The following FTO variants were observed in gnomAD, a reference collection of about 807,000 sequenced individuals.
FTO encodes the protein FTO alpha-ketoglutarate dependent dioxygenase.
FTO carries 47 observed loss-of-function variants against 63.9 expected under a neutral mutation model. The observed-to-expected ratio is 0.74, with a 90% CI of 0.58 to 0.94. The LOEUF is 0.94. FTO is among the 40% of genes least tolerant of loss of function. The pLI, the probability that FTO is intolerant of heterozygous loss-of-function variation, is 0.00. For missense variants in FTO, 562 were observed against 618.1 expected (o/e 0.91, Z 0.96); for synonymous variants, 207 against 224.4 (o/e 0.92, Z 0.69).
chr16:53,834,550 G>A (rs2079237256), intron 3 of FTO, among the ~76,000 whole-genome samples: 1 of 152,128 alleles, frequency 6.6e-6, no homozygotes, highest in Non-Finnish European at 1.5e-5. Flanking sequence ...CCTCAAGATT[G>A]TGAGAATTAA....
intron 7 of FTO, among the ~76,000 whole-genome samples, chr16:53,904,151 A>G (rs1228702070): frequency 6.6e-6 from 1 of 152,044 alleles, no homozygotes; most frequent in African/African-American, 2.4e-5. Flanking sequence ...CAGTTTCCCA[A>G]CATCCTCACC....
intron 4 of FTO, among the ~76,000 whole-genome samples, chr16:53,868,372 G>A (rs1018007418): frequency 2.6e-5 from 4 of 151,586 alleles, no homozygotes; most frequent in African/African-American, 9.7e-5. Flanking sequence ...TACTTTTTAA[G>A]TAGTGACCTA....
intron 1 of FTO, among the ~76,000 whole-genome samples, chr16:53,804,630 A>AT (rs1384040758): frequency 2.8e-4 from 29 of 102,362 alleles, no homozygotes; most frequent in African/African-American, 1.1e-3. Context: ...CTTCTTATTG[A>AT]TCTTTTTTTT....
chr16:54,060,296 T>G (rs1381531369), intron 8 of FTO, among the ~76,000 whole-genome samples: 2 of 152,214 alleles, frequency 1.3e-5, no homozygotes, highest in African/African-American at 4.8e-5. Context: ...ACTCAGTGAA[T>G]GAAGAAGATT....
intron 8 of FTO, among the ~76,000 whole-genome samples, chr16:54,083,153 A>C (rs529968983): frequency 4.7e-4 from 72 of 152,268 alleles, no homozygotes; most frequent in African/African-American, 1.5e-3. Flanking sequence ...TTTATTACAG[A>C]TAAGACTATT....
intron 2 of FTO, among the ~76,000 whole-genome samples, chr16:53,813,644 C>T (rs2078595033): frequency 6.6e-6 from 1 of 152,160 alleles, no homozygotes; most frequent in Non-Finnish European, 1.5e-5. Flanking sequence ...GACACTGGGT[C>T]CCTTAAACAG....
At chr16:53,779,719 A>G (rs955279290) in intron 1 of FTO, among the ~76,000 whole-genome samples, 2 of 152,232 alleles carry the variant, frequency 1.3e-5, no homozygotes, top group Non-Finnish European at 2.9e-5. Context: ...AATAATGCAC[A>G]TTATATCCAT....
chr16:53,947,980 G>A (rs532337430), intron 8 of FTO, among the ~76,000 whole-genome samples: 25 of 152,240 alleles, frequency 1.6e-4, no homozygotes, highest in East Asian at 5.8e-4. Flanking sequence ...AAGAAAGTAC[G>A]CCTGCATGTA....
At chr16:54,057,711 C>CT (rs2085469060) in intron 8 of FTO, among the ~76,000 whole-genome samples, 2 of 151,536 alleles carry the variant, frequency 1.3e-5, no homozygotes, top group South Asian at 4.2e-4. Flanking sequence ...TTTTAAATGA[C>CT]CAAAAAAAAT....
intron 8 of FTO, among the ~76,000 whole-genome samples, chr16:53,950,465 T>A (rs1404080321): frequency 6.6e-6 from 1 of 152,194 alleles, no homozygotes; most frequent in Non-Finnish European, 1.5e-5. Flanking sequence ...TTAGTATTGG[T>A]CATTTTAGTG....
intron 8 of FTO, among the ~76,000 whole-genome samples, chr16:54,038,263 C>T (rs1019950973): frequency 6.6e-6 from 1 of 152,178 alleles, no homozygotes; most frequent in Non-Finnish European, 1.5e-5. Context: ...AACCTTACCT[C>T]CTGTAACCTG....
intron 8 of FTO, among the ~76,000 whole-genome samples, chr16:53,939,070 C>T (rs1468465427): frequency 5.9e-5 from 9 of 152,214 alleles, no homozygotes; most frequent in Admixed American, 1.3e-4. Flanking sequence ...TGCACTCCAG[C>T]CTGGGAGCGA....
At chr16:53,997,593 G>C (rs974317052) in intron 8 of FTO, among the ~76,000 whole-genome samples, 36 of 151,602 alleles carry the variant, frequency 2.4e-4, no homozygotes, top group African/African-American at 8.5e-4. Context: ...GAGTGGGGGG[G>C]TGGTGCAGTA....
chr16:53,878,246 C>T (rs1308188588), intron 5 of FTO, among the ~76,000 whole-genome samples: 1 of 151,932 alleles, frequency 6.6e-6, no homozygotes, highest in Non-Finnish European at 1.5e-5. Flanking sequence ...TGCGGTGAGC[C>T]AAGATCATGC....
At chr16:54,020,564 A>G (rs1252709281) in intron 8 of FTO, among the ~76,000 whole-genome samples, 1 of 149,820 alleles carries the variant, frequency 6.7e-6, no homozygotes, top group Admixed American at 6.8e-5. Context: ...ATGATGGGAA[A>G]AATGACTTGA....
chr16:54,058,197 C>T (rs1046659348), intron 8 of FTO, among the ~76,000 whole-genome samples: 2 of 152,004 alleles, frequency 1.3e-5, no homozygotes, highest in African/African-American at 2.4e-5. Context: ...AAACCTCCGC[C>T]GCCTCCAGGG....
chr16:54,088,773 T>C (rs1369897592), intron 8 of FTO, among the ~76,000 whole-genome samples: 1 of 152,236 alleles, frequency 6.6e-6, no homozygotes. Flanking sequence ...GATCAGACCA[T>C]GTCCCTTGAA....
chr16:53,988,002 G>A (rs1396096121), intron 8 of FTO, among the ~76,000 whole-genome samples: 2 of 152,184 alleles, frequency 1.3e-5, no homozygotes, highest in Admixed American at 6.5e-5. Context: ...ATTGAACTTA[G>A]AAAATTAATT....
chr16:53,905,623 G>A (rs2081517145), intron 7 of FTO, among the ~76,000 whole-genome samples: 1 of 152,128 alleles, frequency 6.6e-6, no homozygotes, highest in Non-Finnish European at 1.5e-5. Flanking sequence ...TCACCTCACA[G>A]TGGCCCTTTC....
Sources: gnomAD v4.1 joint callset for allele counts (sites outside exome capture counted in the v4.1 genomes callset) on GRCh38, gnomAD v4.1.1 for gene constraint, MANE v1.5 for transcripts, NCBI Gene and HGNC (gene_info 2026-07-23, HGNC 2026-07-21) for gene names.